Variants in ISG20 observed in about 807,000 individuals in gnomAD.
The protein encoded by ISG20 is interferon stimulated exonuclease gene 20.
Under a neutral mutation model 11.1 loss-of-function variants are expected in ISG20, and 8 were observed. The observed-to-expected ratio is 0.72, with a 90% CI of 0.42 to 1.30. The LOEUF (loss-of-function observed/expected upper bound fraction) is 1.30, where lower values mean the gene tolerates loss of function less well. Ranked by LOEUF, ISG20 falls within the 50% of genes most tolerant of loss-of-function variation. The probability of loss-of-function intolerance (pLI) is 0.01; values close to 1 mark genes in which losing one functional copy is unlikely to be tolerated. For missense variants in ISG20, 243 were observed against 250.2 expected (o/e 0.97, Z 0.19); for synonymous variants, 110 against 101.7 (o/e 1.08, Z -0.49).
At chr15:88,636,475 G>A (rs1481010716), upstream of ISG20, among the ~76,000 whole-genome samples, 1 of 152,190 alleles carries the variant, frequency 6.6e-6, no homozygotes, top group Non-Finnish European at 1.5e-5. Flanking sequence ...AGGGGGAACA[G>A]TAAATGAACA....
chr15:88,642,276 A>G (rs773275378), intron 2 of ISG20, among the ~76,000 whole-genome samples: 2 of 152,078 alleles, frequency 1.3e-5, no homozygotes, highest in Non-Finnish European at 2.9e-5. Context: ...TTATGAGCCC[A>G]CCCTACTACT....
chr15:88,638,935 G>C (rs926799253), upstream of ISG20: 10 of 215,570 alleles, frequency 4.6e-5, no homozygotes, highest in Admixed American at 3.2e-4. Context: ...GACTTCACTT[G>C]ATAACAAACT....
At chr15:88,638,927 C>T (rs993155489), upstream of ISG20, 4 of 207,564 alleles carry the variant, frequency 1.9e-5, no homozygotes, top group South Asian at 1.4e-4. Context: ...CCGCCCCTGA[C>T]TTCACTTGAT....
chr15:88,639,472 G>C lies in ISG20; in HGVS notation c.106G>C (p.Ala36Pro). The C allele has an allele frequency of 6.2e-7, 1 of 1,614,192 alleles. No individual in the cohort carries two copies. Among genetic ancestry groups the C allele is most frequent in the South Asian group, 1.1e-5 (1 of 91,088 alleles). Residue 36 changes from alanine to proline, a missense_variant, in exon 2 of 4, where the codon GCT (alanine) becomes CCT (proline). Transcript: ENST00000306072. This position sits in a 1 kb window ranked among gnomAD's most constrained non-coding sequence, Gnocchi z 4.2. ...TTGCAGCCTCGTGAACGTCCACGGT[G>C]CTGTGCTGTACGACAAGTTCATCCG... ...ARCSLVNVHG[A>P]VLYDKFIRPE...
chr15:88,638,315 A>C (rs942740856), upstream of ISG20, among the ~76,000 whole-genome samples: 6 of 152,188 alleles, frequency 3.9e-5, no homozygotes, highest in African/African-American at 1.4e-4. Context: ...AGCCCTCCCT[A>C]TCTGGCAGGC....
At position 88,639,304 on chromosome 15, in the gene ISG20, G is replaced by A; in HGVS notation, c.-24-39G>A. On this transcript the variant is annotated intron_variant, in intron 1 of 3. Transcript: ENST00000306072. This position sits in a 1 kb window ranked among gnomAD's most constrained non-coding sequence, Gnocchi z 4.2. ...CTGAGGACACCTGGAGGCTTGGTTT[G>A]CCCAAGCGTGAGACCGCCCCCCATA... 7.5e-7 allele frequency: 1 copy of A among 1,332,496 alleles called. No individual in the cohort carries two copies. Among genetic ancestry groups the A allele is most frequent in the Non-Finnish European group, 1.0e-6 (1 of 966,036 alleles). 82.5% of individuals were successfully genotyped at this position (1,332,496 alleles called of 1,614,324 possible).
At chr15:88,653,740 T>G in intron 3 of ISG20, among the ~76,000 whole-genome samples, 1 of 111,336 alleles carries the variant, frequency 9.0e-6, no homozygotes, top group Admixed American at 1.3e-4. Context: ...TGGACAGTGG[T>G]GCTACTGATC....
chr15:88,651,078 T>C (rs2058265814), intron 2 of ISG20: 3 of 446,820 alleles, frequency 6.7e-6, no homozygotes, highest in Non-Finnish European at 8.9e-6. Flanking sequence ...CCGGACTTCT[T>C]ATAGAATTGC....
In ISG20 at chr15:88,639,499, C is replaced by T. The variant is rs751684388; in HGVS notation, c.133C>T (p.Pro45Ser). 2 of 1,614,142 alleles carry T rather than the reference C, an allele frequency of 1.2e-6. No individual in the cohort carries two copies. Among genetic ancestry groups the T allele is most frequent in the Non-Finnish European group, 1.7e-6 (2 of 1,180,020 alleles). ...TGTGCTGTACGACAAGTTCATCCGG[C>T]CTGAGGGAGAGATCACCGATTACAG... ...GAVLYDKFIR[P>S]EGEITDYRTR... Residue 45 changes from proline to serine, a missense_variant, in exon 2 of 4, where the codon CCT becomes TCT. By Grantham distance (74) the Pro-to-Ser change is moderately conservative (BLOSUM62 -1). Transcript: ENST00000306072. This position sits in a 1 kb window ranked among gnomAD's most constrained non-coding sequence, Gnocchi z 4.2.
upstream of ISG20, among the ~76,000 whole-genome samples, chr15:88,638,407 G>C (rs1480054156): frequency 2.0e-5 from 3 of 152,210 alleles, no homozygotes; most frequent in South Asian, 2.1e-4. Context: ...CCTCCCCGAA[G>C]GCCTGCTTCT....
At chr15:88,648,474 C>G (rs1164020050) in intron 2 of ISG20, 4 of 152,296 alleles carry the variant, frequency 2.6e-5, no homozygotes, top group Non-Finnish European at 5.9e-5. Flanking sequence ...CGCACCTGGT[C>G]TGGCACTCCC....
chr15:88,649,209 G>C (rs1457241402), intron 2 of ISG20: 1 of 152,228 alleles, frequency 6.6e-6, no homozygotes, highest in Admixed American at 6.5e-5. Flanking sequence ...CAGAATCTTT[G>C]TCCCAAAGAG....
In ISG20 at chr15:88,639,814, T is replaced by G. The variant is rs886546265; in HGVS notation, c.228+220T>G. The stretch of plus-strand genomic sequence containing the variant: ...ATCTGGAAGCCGCCTTTGGGGCATC[T>G]ATCTGGATCTGGTCCAACTTGCCGG... On this transcript the variant is annotated intron_variant, in intron 2 of 3. Transcript: ENST00000306072. The surrounding 1 kb of genome is among the most constrained non-coding windows in gnomAD (Gnocchi z 4.2). Among the ~76,000 whole-genome samples, 2 of 152,340 alleles carry G rather than the reference T, an allele frequency of 1.3e-5. No individual in the cohort carries two copies. Among genetic ancestry groups the G allele is most frequent in the South Asian group, 4.1e-4 (2 of 4,826 alleles).
chr15:88,652,643 C>T (rs2058306914), intron 3 of ISG20, among the ~76,000 whole-genome samples: 1 of 130,766 alleles, frequency 7.6e-6, no homozygotes, highest in Admixed American at 7.9e-5. Context: ...CCCTTTCCTC[C>T]TCCTCCCTCA....
At position 88,641,001 on chromosome 15, in the gene ISG20, A is replaced by AT. The variant is rs576359257; in HGVS notation, c.228+1417dup. 3.9e-3 allele frequency among the ~76,000 whole-genome samples: 575 copies of AT among 148,108 alleles called. 6 individuals are homozygous for AT. The highest frequency in any genetic ancestry group is 0.013 in the African/African-American group (516 of 40,362). ...TTTTTTGTATGTCTGTTTTATTATT[A>AT]TTTTTTTTTTAACCGGAGTCTCTCT... is the stretch of plus-strand genomic sequence containing the variant. On this transcript the variant is annotated intron_variant, in intron 2 of 3. Transcript: ENST00000306072.
chr15:88,646,469 G>A (rs530801872), intron 2 of ISG20, among the ~76,000 whole-genome samples: 47 of 152,300 alleles, frequency 3.1e-4, no homozygotes, highest in Non-Finnish European at 6.0e-4. Flanking sequence ...AGTGTCCAAT[G>A]TATGTAAGGG....
At chr15:88,636,447 T>G (rs1328155488), upstream of ISG20, among the ~76,000 whole-genome samples, 1 of 152,140 alleles carries the variant, frequency 6.6e-6, no homozygotes, top group Non-Finnish European at 1.5e-5. Flanking sequence ...GGCCCCAGTT[T>G]TGAACTAAAC....
upstream of ISG20, chr15:88,636,208 A>G (rs1716973548): frequency 6.6e-6 from 1 of 152,276 alleles, no homozygotes; most frequent in African/African-American, 2.4e-5. Flanking sequence ...AAGGCTGACA[A>G]GTTTGCCCTG....
rs78284739 is a variant in ISG20 at position 88,639,991 on chromosome 15, G to C, written c.228+397G>C. 0.025 allele frequency among the ~76,000 whole-genome samples: 3,777 copies of C among 152,318 alleles called. 84 individuals are homozygous for C. Among genetic ancestry groups the C allele is most frequent in the African/African-American group, 0.063 (2,623 of 41,558 alleles). Reference sequence around the variant, plus strand: ...CTGGCAAGAGGCTTTGGCCCTCCCAGTCCTGGAGAACAGGCTGAGCCTCGG... The same window carrying C: ...CTGGCAAGAGGCTTTGGCCCTCCCACTCCTGGAGAACAGGCTGAGCCTCGG... On this transcript the variant is annotated intron_variant, in intron 2 of 3. Coordinates refer to ENST00000306072, the MANE Select transcript of ISG20 (RefSeq NM_002201.6). The surrounding 1 kb of genome is among the most constrained non-coding windows in gnomAD (Gnocchi z 4.2).
Sources: allele counts gnomAD v4.1 joint callset (sites outside exome capture counted in the v4.1 genomes callset), GRCh38; gene constraint gnomAD v4.1.1; non-coding constraint Gnocchi (gnomAD v3.1); transcripts MANE v1.5; gene names NCBI Gene and HGNC (gene_info 2026-07-23, HGNC 2026-07-21).